Variants in DEDD2 observed in about 807,000 individuals in gnomAD.
DEDD2 encodes the protein death effector domain containing 2, also known as DNA-binding death effector domain-containing protein 2.
DEDD2 carries 18 observed loss-of-function variants against 28.9 expected under a neutral mutation model. The observed-to-expected ratio is 0.62, with a 90% confidence interval of 0.43 to 0.92. DEDD2 has a LOEUF of 0.92. Ranked by LOEUF, DEDD2 falls within the 40% of genes least tolerant of loss-of-function variation. The pLI, the probability that DEDD2 is intolerant of heterozygous loss-of-function variation, is 0.00. For missense variants in DEDD2, 411 were observed against 463.3 expected (o/e 0.89, Z 1.04); for synonymous variants, 211 against 206.1 (o/e 1.02, Z -0.20).
chr19:42,209,619 C>T (rs1401325881), intron 4 of DEDD2, 81 bp downstream of exon 4: 16 of 1,500,480 alleles, frequency 1.1e-5, no homozygotes, highest in Non-Finnish European at 1.3e-5. Context: ...GTCACATCCC[C>T]CAGAAAAATG....
At chr19:42,200,554 C>T (rs766379122) in intron 4 of DEDD2, among the ~76,000 whole-genome samples, 3 of 152,206 alleles carry the variant, frequency 2.0e-5, no homozygotes, top group Non-Finnish European at 4.4e-5. Flanking sequence ...GGGAGGCTTG[C>T]GGCTGGACCT....
rs143705949 is a variant in DEDD2, at chr19:42,215,231, T to C, written c.350A>G (p.Tyr117Cys). The change falls in exon 3 of 5, where the codon TAT becomes TGT. Residue 117 changes from tyrosine to cysteine, a missense_variant. Physicochemically the swap from Tyr to Cys is radical, Grantham distance 194 (BLOSUM62 -2). Transcript: ENST00000596251. Reference sequence around the variant, plus strand: ...CCTCTTTGAAGAGCTGGAGGTGCCATAGCTATAGCGTTCTGGAGACACTGG... The same window carrying C: ...CCTCTTTGAAGAGCTGGAGGTGCCACAGCTATAGCGTTCTGGAGACACTGG... ...RRPVSPERYSYGTSSSSKRTE... is the reference protein window; with the variant it reads ...RRPVSPERYSCGTSSSSKRTE... 3.4e-5 allele frequency: 55 copies of C among 1,613,960 alleles called. 1 individual carries two copies. The African/African-American group carries it at 6.7e-4, about 20-fold the overall frequency.
Position 42,199,864 on chromosome 19 carries a change from C to A in DEDD2, c.590-35G>T. The A allele has an allele frequency of 1.3e-6, 2 of 1,551,220 alleles. No homozygotes were observed. Among genetic ancestry groups the A allele is most frequent in the South Asian group, 1.2e-5 (1 of 83,512 alleles). ...AAGGAGGGATTTGTCAGGGAGGGGGCCAACACTAGACACACTTATGGGGAA... is the reference window on the plus strand; with the variant it reads ...AAGGAGGGATTTGTCAGGGAGGGGGACAACACTAGACACACTTATGGGGAA... On this transcript the variant is annotated intron_variant, in intron 4 of 4. Transcript: ENST00000596251. The surrounding 1 kb of genome is among the most constrained non-coding windows in gnomAD (Gnocchi z 7.4).
At chr19:42,206,341 C>T (rs555021975) in intron 4 of DEDD2, among the ~76,000 whole-genome samples, 2 of 152,264 alleles carry the variant, frequency 1.3e-5, no homozygotes, top group Non-Finnish European at 1.5e-5. Context: ...GCTGTCCTCT[C>T]CATCGGGAAC....
At chr19:42,214,720 A>G (rs1385246912) in intron 3 of DEDD2, among the ~76,000 whole-genome samples, 1 of 152,190 alleles carries the variant, frequency 6.6e-6, no homozygotes, top group East Asian at 1.9e-4. Flanking sequence ...CTATGATTTC[A>G]TCACTGCACT....
chr19:42,214,996 A>G (rs1331444936), intron 3 of DEDD2, 137 bp downstream of exon 3: 1 of 1,243,678 alleles, frequency 8.0e-7, no homozygotes, highest in Non-Finnish European at 1.1e-6. Flanking sequence ...TATCTGTAGC[A>G]ATAAACACAC....
At chr19:42,201,495 T>C (rs1162673105) in intron 4 of DEDD2, among the ~76,000 whole-genome samples, 1 of 152,202 alleles carries the variant, frequency 6.6e-6, no homozygotes, top group Non-Finnish European at 1.5e-5. Context: ...GCCTGACCCT[T>C]GGGGATGCAG....
chr19:42,209,757 C>T lies in DEDD2; in HGVS notation c.532G>A (p.Ala178Thr), dbSNP rs774361327. Residue 178 changes from alanine (A) to threonine (T), a missense_variant, in exon 4 of 5, where the codon GCA (alanine) becomes ACA (threonine). Ala to Thr is a moderately conservative substitution (Grantham distance 58). This residue lies in a region of DEDD2 where 282 missense variants were observed against 273.4 expected (regional missense o/e 1.03). Coordinates refer to ENST00000596251, the MANE Select transcript of DEDD2 (RefSeq NM_133328.4). ...GCGGGCTCTGACTGCTGCTGGGGTG[C>T]GGCTGGGGCCCCTCTCCGCCGCCGT... ...ARRRRRGAPA[A>T]PQQQSEPARP... 9.4e-6 allele frequency: 15 copies of T among 1,602,426 alleles called. No homozygotes were observed. The highest frequency in any genetic ancestry group is 5.5e-5 in the South Asian group (5 of 90,228).
chr19:42,211,051 C>T (rs1305496762), intron 3 of DEDD2, among the ~76,000 whole-genome samples: 6 of 135,364 alleles, frequency 4.4e-5, no homozygotes, highest in Non-Finnish European at 6.2e-5. Context: ...GCCAGGGTGA[C>T]AGTGTGAGAC....
rs367720626 is a variant in DEDD2, at chr19:42,209,689, C to G, written c.589+11G>C. ...ACTCTACATGCATTGCCAAAGCCTA[C>G]AGACACCTACCACAGGTCACTTTGC... On this transcript the variant is annotated intron_variant, in intron 4 of 4. Coordinates refer to ENST00000596251, the MANE Select transcript of DEDD2 (RefSeq NM_133328.4). The G allele has an allele frequency of 6.2e-7, 1 of 1,606,382 alleles. No individual in the cohort carries two copies. Among genetic ancestry groups the G allele is most frequent in the Non-Finnish European group, 8.5e-7 (1 of 1,176,714 alleles).
upstream of DEDD2, among the ~76,000 whole-genome samples, chr19:42,218,653 G>A (rs2036069324): frequency 2.6e-5 from 4 of 152,114 alleles, no homozygotes; most frequent in Admixed American, 2.6e-4. Context: ...TCCCACCCCC[G>A]CAATTAACTC....
intron 3 of DEDD2, among the ~76,000 whole-genome samples, chr19:42,212,743 G>A (rs1437320133): frequency 1.3e-5 from 2 of 152,038 alleles, no homozygotes; most frequent in Non-Finnish European, 2.9e-5. Flanking sequence ...GGGGCTACAG[G>A]TGTGAGCCAC....
intron 2 of DEDD2, 135 bp downstream of exon 2, chr19:42,216,545 T>C: frequency 1.1e-6 from 1 of 902,474 alleles, no homozygotes. Context: ...TCATTGATAT[T>C]GTGGGAAGAG....
intron 4 of DEDD2, among the ~76,000 whole-genome samples, chr19:42,202,665 C>T (rs1173951918): frequency 6.6e-6 from 1 of 152,186 alleles, no homozygotes; most frequent in Non-Finnish European, 1.5e-5. Flanking sequence ...ACATGTAACC[C>T]ACAGTTAGGA....
At chr19:42,212,062 A>AATAATAATT (rs1555742843) in intron 3 of DEDD2, 1 of 143,178 alleles carries the variant, frequency 7.0e-6, no homozygotes, top group Admixed American at 7.0e-5. Context: ...TAATAATAAT[A>AATAATAATT]AATTAATTAA....
chr19:42,209,020 T>C (rs1412636215), intron 4 of DEDD2, among the ~76,000 whole-genome samples: 1 of 152,096 alleles, frequency 6.6e-6, no homozygotes, highest in Non-Finnish European at 1.5e-5. Flanking sequence ...GGTGGATCAC[T>C]TGAGGTCAGG....
chr19:42,203,409 G>A (rs1434283044), intron 4 of DEDD2, among the ~76,000 whole-genome samples: 1 of 152,190 alleles, frequency 6.6e-6, no homozygotes, highest in Non-Finnish European at 1.5e-5. Context: ...TCTCAGGAGA[G>A]ATGAGCATTT....
chr19:42,218,751 G>A (rs2036071319), upstream of DEDD2, among the ~76,000 whole-genome samples: 1 of 152,222 alleles, frequency 6.6e-6, no homozygotes, highest in African/African-American at 2.4e-5. Flanking sequence ...CAAAAGAATC[G>A]GCTGCGCGCG....
chr19:42,214,577 C>G (rs1216906962), intron 3 of DEDD2, among the ~76,000 whole-genome samples: 4 of 151,362 alleles, frequency 2.6e-5, no homozygotes, highest in Non-Finnish European at 4.4e-5. Flanking sequence ...GCCTGGACAA[C>G]AAGGGGGAGA....
Sources: allele counts gnomAD v4.1 joint callset (sites outside exome capture counted in the v4.1 genomes callset), GRCh38; gene constraint gnomAD v4.1.1; regional missense constraint gnomAD v4.1.1; non-coding constraint Gnocchi (gnomAD v3.1); transcripts MANE v1.5; gene names NCBI Gene and HGNC (gene_info 2026-07-23, HGNC 2026-07-21).